RASSF3: variants seen among roughly 807,000 people sequenced by gnomAD.
RASSF3 encodes the protein Ras association domain family member 3.
RASSF3 carries 19 observed loss-of-function variants against 19.9 expected under a neutral mutation model. The ratio of observed to expected loss-of-function variants is 0.96; its 90% CI spans 0.67 to 1.40. RASSF3 has a LOEUF of 1.40. RASSF3 is among the 40% of genes most tolerant of loss of function. The pLI is 0.00. For synonymous variants in RASSF3, 110 were observed against 104.2 expected (o/e 1.06, Z -0.34); for missense variants, 306 against 289.8 (o/e 1.06, Z -0.41).
At chr12:64,558,074 A>G (rs1020853504) in intron 2 of RASSF3, among the ~76,000 whole-genome samples, 3 of 152,190 alleles carry the variant, frequency 2.0e-5, no homozygotes, top group Non-Finnish European at 4.4e-5. Flanking sequence ...GGTGCCCAAT[A>G]TAGTAGGCTT....
At chr12:64,626,659 T>C (rs1401607805) in intron 1 of RASSF3, among the ~76,000 whole-genome samples, 1 of 152,142 alleles carries the variant, frequency 6.6e-6, no homozygotes, top group Non-Finnish European at 1.5e-5. Context: ...ACTCCTGGAC[T>C]CAAGTGATCC....
chr12:64,652,000 A>G (rs1210396363), intron 1 of RASSF3, among the ~76,000 whole-genome samples: 1 of 152,212 alleles, frequency 6.6e-6, no homozygotes, highest in Non-Finnish European at 1.5e-5. Context: ...ACTCTTATGT[A>G]TTAATTACTA....
intron 2 of RASSF3, among the ~76,000 whole-genome samples, chr12:64,547,620 G>A (rs767187798): frequency 2.0e-5 from 3 of 151,240 alleles, no homozygotes; most frequent in Admixed American, 1.3e-4. Context: ...AGGAAGGAAG[G>A]AACTTTTCAA....
chr12:64,559,521 G>A (rs1049098448), intron 2 of RASSF3, among the ~76,000 whole-genome samples: 6 of 151,906 alleles, frequency 3.9e-5, no homozygotes, highest in Non-Finnish European at 7.4e-5. Flanking sequence ...TGCCCACCTC[G>A]GCCTCCCAAA....
intron 2 of RASSF3, among the ~76,000 whole-genome samples, chr12:64,685,717 AC>A (rs1873324244): frequency 6.6e-6 from 1 of 152,220 alleles, no homozygotes. Context: ...GCATTGTGCC[AC>A]ACTGAAGCAT....
At chr12:64,514,343 C>T (rs752296861) in intron 1 of RASSF3, among the ~76,000 whole-genome samples, 1 of 151,638 alleles carries the variant, frequency 6.6e-6, no homozygotes, top group Non-Finnish European at 1.5e-5. Context: ...CGTGCCACTA[C>T]GCCGAGCTAA....
intron 1 of RASSF3, among the ~76,000 whole-genome samples, chr12:64,525,995 A>C (rs918103376): frequency 1.3e-5 from 2 of 152,164 alleles, no homozygotes; most frequent in Non-Finnish European, 2.9e-5. Context: ...CATCTCCCAA[A>C]TAGAACTCAT....
intron 1 of RASSF3, among the ~76,000 whole-genome samples, chr12:64,648,916 A>T (rs1033214102): frequency 2.1e-5 from 3 of 141,794 alleles, no homozygotes; most frequent in African/African-American, 8.0e-5. Flanking sequence ...GGTGATCCTC[A>T]CCCCTCAGCC....
At position 64,610,503 on chromosome 12, in the gene RASSF3, G is replaced by T; in HGVS notation, c.-130G>T. 3.2e-6 allele frequency: 1 copy of T among 317,392 alleles called. No individual in the cohort carries two copies. Among genetic ancestry groups the T allele is most frequent in the Non-Finnish European group, 5.6e-6 (1 of 179,088 alleles). The allele number at this position is 317,392 out of a possible 1,614,324, so 19.7% of individuals were successfully genotyped here. Reference sequence around the variant, plus strand: ...AGGGGCCGGGAGAGCCTGATTGAGCGGCGGCCGCAGCTGCATAAGGACTGC... The same window carrying T: ...AGGGGCCGGGAGAGCCTGATTGAGCTGCGGCCGCAGCTGCATAAGGACTGC... On this transcript the variant is annotated 5_prime_UTR_variant, in exon 1 of 5. Transcript: ENST00000542104.
At chr12:64,660,135 C>G (rs1051582686) in intron 1 of RASSF3, among the ~76,000 whole-genome samples, 13 of 151,678 alleles carry the variant, frequency 8.6e-5, no homozygotes, top group Non-Finnish European at 1.8e-4. Context: ...CCAGGCTGAT[C>G]TCAAACTCAT....
chr12:64,641,426 G>A (rs1039225203), intron 1 of RASSF3, among the ~76,000 whole-genome samples: 3 of 60,112 alleles, frequency 5.0e-5, no homozygotes, highest in Admixed American at 1.4e-4. Context: ...GCGCGCGCGC[G>A]CGTTGAAAAC....
chr12:64,563,610 C>T (rs1869383271), intron 2 of RASSF3, among the ~76,000 whole-genome samples: 1 of 152,238 alleles, frequency 6.6e-6, no homozygotes, highest in South Asian at 2.1e-4. Context: ...TTGGCTCATG[C>T]CCCTGCCCTG....
chr12:64,610,786 TC>T lies in RASSF3; in HGVS notation c.111+45del, dbSNP rs1197580101. ...GGCGCTGCAGCCCGCGCCCCAGAGTTCCGGGGAACCCGCCAGCCCGCGCCCC... is the reference window on the plus strand; with the variant it reads ...GGCGCTGCAGCCCGCGCCCCAGAGTTCGGGGAACCCGCCAGCCCGCGCCCC... On this transcript the variant is annotated intron_variant, in intron 1 of 4. Coordinates refer to ENST00000542104, the MANE Select transcript of RASSF3 (RefSeq NM_178169.4). 3.6e-6 allele frequency: 5 copies of T among 1,376,034 alleles called. No individual in the cohort carries two copies. The Middle Eastern group carries it at 6.7e-4, about 183-fold the overall frequency. The allele number at this position is 1,376,034 out of a possible 1,614,324, so 85.2% of individuals were successfully genotyped here. A position where few individuals can be genotyped will look rare whatever the true frequency, so the allele number is the denominator to read the frequency against.
intron 2 of RASSF3, among the ~76,000 whole-genome samples, chr12:64,557,840 C>T (rs923332515): frequency 1.3e-5 from 2 of 152,134 alleles, no homozygotes; most frequent in African/African-American, 4.8e-5. Flanking sequence ...CACGATATGA[C>T]CAGTGGATCC....
chr12:64,509,189 C>T (rs1215448780), intron 1 of RASSF3, among the ~76,000 whole-genome samples: 4 of 152,194 alleles, frequency 2.6e-5, no homozygotes, highest in Non-Finnish European at 4.4e-5. Context: ...GTGGCTCATG[C>T]TTGTAATCCC....
At chr12:64,588,288 G>T (rs1421580247) in intron 2 of RASSF3, among the ~76,000 whole-genome samples, 1 of 152,184 alleles carries the variant, frequency 6.6e-6, no homozygotes, top group Admixed American at 6.5e-5. Context: ...TGTACATTTT[G>T]TAGGCCATTT....
At chr12:64,642,153 A>G (rs572377033) in intron 1 of RASSF3, among the ~76,000 whole-genome samples, 1 of 152,306 alleles carries the variant, frequency 6.6e-6, no homozygotes, top group African/African-American at 2.4e-5. Flanking sequence ...TCTGGTTGAC[A>G]GCTCACCTGG....
chr12:64,548,448 C>G (rs540677908), intron 2 of RASSF3, among the ~76,000 whole-genome samples: 2 of 152,172 alleles, frequency 1.3e-5, no homozygotes, highest in African/African-American at 4.8e-5. Flanking sequence ...CCTTGGCCTC[C>G]CAAAGTGCCA....
intron 2 of RASSF3, among the ~76,000 whole-genome samples, chr12:64,576,372 T>TA (rs969121180): frequency 2.6e-5 from 4 of 152,172 alleles, no homozygotes; most frequent in South Asian, 4.1e-4. Flanking sequence ...ACTGTATACA[T>TA]AAAAAATCAA....
Sources: gnomAD v4.1 joint callset for allele counts (sites outside exome capture counted in the v4.1 genomes callset) on GRCh38, gnomAD v4.1.1 for gene constraint, MANE v1.5 for transcripts, NCBI Gene and HGNC (gene_info 2026-07-23, HGNC 2026-07-21) for gene names.